The following DNAJB9 variants were observed in gnomAD, a reference collection of about 807,000 sequenced individuals.
The protein encoded by DNAJB9 is dnaJ homolog subfamily B member 9.
Under a neutral mutation model 19.2 loss-of-function variants are expected in DNAJB9, and 12 were observed. The ratio of observed to expected loss-of-function variants is 0.62; its 90% CI spans 0.40 to 1.01. The LOEUF (loss-of-function observed/expected upper bound fraction) is 1.01, where lower values mean the gene tolerates loss of function less well. Among genes scored for constraint, DNAJB9 ranks in the 50% least tolerant of loss-of-function variants. DNAJB9 has a pLI of 0.00. For missense variants in DNAJB9, 272 were observed against 261.1 expected, an observed-to-expected ratio of 1.04 and a Z score of -0.29; for synonymous variants, 83 against 84.0, an observed-to-expected ratio of 0.99 and a Z score of 0.07.
At chr7:108,572,819 CACTT>C in intron 2 of DNAJB9, 76 bp from the exon 3 acceptor site, 4 of 1,154,930 alleles carry the variant, frequency 3.5e-6, no homozygotes, top group Non-Finnish European at 4.8e-6. Flanking sequence ...GTATTCAGTT[CACTT>C]GCTTGAAGAG....
chr7:108,569,911 G>A lies in DNAJB9; in HGVS notation c.-203G>A. The A allele has an allele frequency of 2.4e-6, 1 of 414,640 alleles. No individual in the cohort carries two copies. The highest frequency in any genetic ancestry group is 2.7e-5 in the South Asian group (1 of 37,102). The allele number at this position is 414,640 out of a possible 1,614,324, so 25.7% of individuals were successfully genotyped here. On this transcript the variant is annotated 5_prime_UTR_variant, in exon 1 of 3. Coordinates refer to ENST00000249356, the MANE Select transcript of DNAJB9 (RefSeq NM_012328.3). ...CCAGCGGCTACCTCCTGCCTGTGAGGAGCTGGCTGAGAGGGGACTGGGCGC... is the reference window on the plus strand; with the variant it reads ...CCAGCGGCTACCTCCTGCCTGTGAGAAGCTGGCTGAGAGGGGACTGGGCGC...
intron 2 of DNAJB9, 147 bp from the exon 3 acceptor site, chr7:108,572,752 T>G: frequency 3.1e-6 from 2 of 637,680 alleles, no homozygotes; most frequent in Non-Finnish European, 5.2e-6. Context: ...AACTTGATGC[T>G]TATATTTGTA....
intron 2 of DNAJB9, chr7:108,572,190 A>AT: frequency 3.0e-6 from 1 of 332,624 alleles, no homozygotes; most frequent in Non-Finnish European, 5.4e-6. Flanking sequence ...TCTATTCTAT[A>AT]TTATTTATAA....
Position 108,571,941 on chromosome 7 carries a change from A to G in DNAJB9, c.215A>G (p.Glu72Gly). 1 of 1,613,662 alleles carries G rather than the reference A, an allele frequency of 6.2e-7. No homozygotes were observed. The highest frequency in any genetic ancestry group is 1.7e-5 in the Admixed American group (1 of 60,018). ...DAEAKFREIAEAYETLSDANR... is the reference protein window; with the variant it reads ...DAEAKFREIAGAYETLSDANR... ...GAAGCAAAATTCAGAGAGATTGCAG[A>G]AGGTAAATAAATGACAATCTCTGAA... Residue 72 changes from glutamate (E) to glycine (G), a missense_variant and splice_region_variant, in exon 2 of 3, where the codon GAA becomes GGA. By Grantham distance (98) the Glu-to-Gly change is moderately conservative. Coordinates refer to ENST00000249356, the MANE Select transcript of DNAJB9 (RefSeq NM_012328.3).
chr7:108,569,902 G>A lies in DNAJB9; in HGVS notation c.-212G>A, dbSNP rs930008252. On this transcript the variant is annotated 5_prime_UTR_variant, in exon 1 of 3. Transcript: ENST00000249356. ...GTGGTGGCGCCAGCGGCTACCTCCT[G>A]CCTGTGAGGAGCTGGCTGAGAGGGG... 2.3e-5 allele frequency: 10 copies of A among 438,014 alleles called. No individual in the cohort carries two copies. The highest frequency in any genetic ancestry group is 6.3e-4 in the Middle Eastern group (1 of 1,598). 27.1% of individuals were successfully genotyped at this position (438,014 alleles called of 1,614,324 possible).
rs1254002403 is a variant in DNAJB9, at chr7:108,573,397, CATT to C, written c.*47_*49del. ...TAAATCCAACTGGTTGACTCTTCCT[CATT>C]ATCTTTGATGCTAAACAATTTTCTG... On this transcript the variant is annotated 3_prime_UTR_variant, in exon 3 of 3. Transcript: ENST00000249356. The C allele has an allele frequency of 1.4e-6, 2 of 1,395,768 alleles. No individual in the cohort carries two copies. Among genetic ancestry groups the C allele is most frequent in the South Asian group, 1.7e-5 (1 of 59,566 alleles). 86.5% of individuals were successfully genotyped at this position (1,395,768 alleles called of 1,614,324 possible).
rs1790648371 is a variant in DNAJB9 at position 108,573,274 on chromosome 7, G to A, written c.593G>A (p.Gly198Glu). The A allele has an allele frequency of 6.2e-7, 1 of 1,613,772 alleles. No individual in the cohort carries two copies. Among genetic ancestry groups the A allele is most frequent in the South Asian group, 1.1e-5 (1 of 91,044 alleles). ...GTACAGACTGAAAATAGATTTCATG[G>A]ATCTAGCAAGCACTGCAGGACTGTC... The part of the protein sequence containing the change: ...HTVQTENRFH[G>E]SSKHCRTVTQ... Residue 198 changes from glycine to glutamate, a missense_variant, in exon 3 of 3, where the codon GGA becomes GAA. Physicochemically the swap from Gly to Glu is moderately conservative, Grantham distance 98. Transcript: ENST00000249356.
At chr7:108,571,134 A>G (rs1372607885) in intron 1 of DNAJB9, among the ~76,000 whole-genome samples, 2 of 152,174 alleles carry the variant, frequency 1.3e-5, no homozygotes, top group Non-Finnish European at 2.9e-5. Context: ...TGGGAAAAAG[A>G]CAACATTCTA....
chr7:108,571,249 T>A (rs977001023), intron 1 of DNAJB9, among the ~76,000 whole-genome samples: 5 of 152,174 alleles, frequency 3.3e-5, no homozygotes, highest in Non-Finnish European at 7.4e-5. Context: ...TTAATAATAC[T>A]AATTTAGATA....
rs1294839027 is a variant in DNAJB9 at position 108,573,403 on chromosome 7, C to T, written c.*50C>T. 7.4e-7 allele frequency: 1 copy of T among 1,354,926 alleles called. No individual in the cohort carries two copies. The highest frequency in any genetic ancestry group is 1.5e-5 in the African/African-American group (1 of 68,722). 83.9% of individuals were successfully genotyped at this position (1,354,926 alleles called of 1,614,324 possible). A position where few individuals can be genotyped will look rare whatever the true frequency, so the allele number is the denominator to read the frequency against. ...CAACTGGTTGACTCTTCCTCATTAT[C>T]TTTGATGCTAAACAATTTTCTGTGA... On this transcript the variant is annotated 3_prime_UTR_variant, in exon 3 of 3. Coordinates refer to ENST00000249356, the MANE Select transcript of DNAJB9 (RefSeq NM_012328.3).
chr7:108,571,287 C>A (rs1021734208), intron 1 of DNAJB9, among the ~76,000 whole-genome samples: 1 of 150,264 alleles, frequency 6.7e-6, no homozygotes, highest in Non-Finnish European at 1.5e-5. Context: ...TGGTGCGCCA[C>A]CTTTTTTTTT....
rs1179768550 is a variant in DNAJB9 at position 108,574,176 on chromosome 7, C to A, written c.*823C>A. The A allele has an allele frequency of 6.6e-6, 1 of 152,482 alleles. No individual in the cohort carries two copies. The highest frequency in any genetic ancestry group is 1.5e-5 in the Non-Finnish European group (1 of 68,002). The allele number at this position is 152,482 out of a possible 1,614,324, so 9.4% of individuals were successfully genotyped here. On this transcript the variant is annotated 3_prime_UTR_variant, in exon 3 of 3. Coordinates refer to ENST00000249356, the MANE Select transcript of DNAJB9 (RefSeq NM_012328.3). Reference sequence around the variant, plus strand: ...ATCTTTATCTAGAGATTGACTGATACCTCATTCTGTTTGTAAAACCAGCCA... The same window carrying A: ...ATCTTTATCTAGAGATTGACTGATAACTCATTCTGTTTGTAAAACCAGCCA...
chr7:108,572,328 C>T (rs1790632153), intron 2 of DNAJB9, among the ~76,000 whole-genome samples: 1 of 152,104 alleles, frequency 6.6e-6, no homozygotes, highest in African/African-American at 2.4e-5. Context: ...CTCTAAAGTG[C>T]TTTATTCACT....
intron 2 of DNAJB9, 155 bp downstream of exon 2, chr7:108,572,098 C>G (rs1423578178): frequency 1.6e-6 from 1 of 632,694 alleles, no homozygotes; most frequent in East Asian, 2.8e-5. Flanking sequence ...ATTTTCTTAT[C>G]ACAGATGCTT....
In DNAJB9 at chr7:108,574,052, A is replaced by G. The variant is rs748832814; in HGVS notation, c.*699A>G. On this transcript the variant is annotated 3_prime_UTR_variant, in exon 3 of 3. Transcript: ENST00000249356. ...ATTTTGTAGTGTTGAAATCATAGCT[A>G]CTTACATAGCTTTTTCATATTTCTT... 5 of 152,594 alleles carry G rather than the reference A, an allele frequency of 3.3e-5. No individual in the cohort carries two copies. The highest frequency in any genetic ancestry group is 7.4e-5 in the Non-Finnish European group (5 of 68,006). 9.5% of individuals were successfully genotyped at this position (152,594 alleles called of 1,614,324 possible).
chr7:108,570,890 G>T (rs777402521), intron 1 of DNAJB9, among the ~76,000 whole-genome samples: 5 of 152,122 alleles, frequency 3.3e-5, no homozygotes, highest in Non-Finnish European at 7.4e-5. Context: ...TGAATCTCAA[G>T]TCATTGAATA....
Position 108,571,911 on chromosome 7 carries a change from A to T in DNAJB9, c.185A>T (p.Asp62Val). ...CACCCTGACAAAAATAAGAGCCCGG[A>T]TGCTGAAGCAAAATTCAGAGAGATT... ...KYHPDKNKSP[D>V]AEAKFREIAE... is the part of the protein sequence containing the mutation. Residue 62 changes from aspartate (D) to valine (V), a missense_variant, in exon 2 of 3, where the codon GAT becomes GTT. Physicochemically the swap from Asp to Val is radical, Grantham distance 152 (BLOSUM62 -3). Coordinates refer to ENST00000249356, the MANE Select transcript of DNAJB9 (RefSeq NM_012328.3). 6.2e-7 allele frequency: 1 copy of T among 1,614,192 alleles called. No homozygotes were observed. The highest frequency in any genetic ancestry group is 8.5e-7 in the Non-Finnish European group (1 of 1,180,018).
At position 108,569,984 on chromosome 7, in the gene DNAJB9, T is replaced by G. The variant is rs73713153; in HGVS notation, c.-130T>G. 1 of 215,916 alleles carries G rather than the reference T, an allele frequency of 4.6e-6. No individual in the cohort carries two copies. Among genetic ancestry groups the G allele is most frequent in the Non-Finnish European group, 9.5e-6 (1 of 104,908 alleles). The allele number at this position is 215,916 out of a possible 1,614,324, so 13.4% of individuals were successfully genotyped here. On this transcript the variant is annotated 5_prime_UTR_variant, in exon 1 of 3. Coordinates refer to ENST00000249356, the MANE Select transcript of DNAJB9 (RefSeq NM_012328.3). ...GGTCGGTGTACGACCGAGATTAGGG[T>G]GCGTGCCAGCTCCGGGAGGCCGCGG...
intron 2 of DNAJB9, among the ~76,000 whole-genome samples, chr7:108,572,356 C>A (rs1254347748): frequency 1.3e-5 from 2 of 152,054 alleles, no homozygotes; most frequent in African/African-American, 2.4e-5. Flanking sequence ...CTTTTCAAAG[C>A]CATATTTGTC....
Sources: gnomAD v4.1 joint callset for allele counts (sites outside exome capture counted in the v4.1 genomes callset) on GRCh38, gnomAD v4.1.1 for gene constraint, MANE v1.5 for transcripts, NCBI Gene and HGNC (gene_info 2026-07-23, HGNC 2026-07-21) for gene names.